Variants in PARN observed in about 807,000 individuals in gnomAD.
PARN encodes poly(A)-specific ribonuclease.
A neutral mutation model predicts 102.8 loss-of-function variants in PARN; 71 were observed. The observed-to-expected ratio is 0.69, with a 90% CI of 0.57 to 0.84. The LOEUF (loss-of-function observed/expected upper bound fraction) is 0.84, where lower values mean the gene tolerates loss of function less well. Ranked by LOEUF, PARN falls within the 40% of genes least tolerant of loss-of-function variation. The pLI is 0.00. For synonymous variants in PARN, 261 were observed against 252.9 expected (o/e 1.03, Z -0.30); for missense variants, 782 against 760.9 (o/e 1.03, Z -0.33).
chr16:14,623,975 A>G (rs1181480375), intron 5 of PARN, among the ~76,000 whole-genome samples: 1 of 152,196 alleles, frequency 6.6e-6, no homozygotes, highest in Non-Finnish European at 1.5e-5. Flanking sequence ...AGAGGAAGAA[A>G]AGAAAAAGGA....
intron 21 of PARN, among the ~76,000 whole-genome samples, chr16:14,547,843 A>G (rs1244342531): frequency 6.6e-6 from 1 of 152,252 alleles, no homozygotes; most frequent in African/African-American, 2.4e-5. Flanking sequence ...CAAAGAAGCC[A>G]TTATAAGCTG....
At chr16:14,515,673 T>C (rs1410663834) in intron 21 of PARN, among the ~76,000 whole-genome samples, 2 of 152,154 alleles carry the variant, frequency 1.3e-5, no homozygotes, top group East Asian at 3.8e-4. Flanking sequence ...TGGTGGCTTG[T>C]ACCCATAATC....
intron 16 of PARN, 116 bp from the exon 17 acceptor site, chr16:14,582,407 G>C (rs1286519660): frequency 8.6e-6 from 6 of 699,680 alleles, no homozygotes; most frequent in Non-Finnish European, 1.3e-5. Flanking sequence ...GCAGAAAAAA[G>C]CTATCTATTC....
At chr16:14,450,875 T>G (rs1300382476) in intron 22 of PARN, among the ~76,000 whole-genome samples, 2 of 151,944 alleles carry the variant, frequency 1.3e-5, no homozygotes, top group Admixed American at 1.3e-4. Context: ...GCCCTCTAAT[T>G]TATTAGGGGG....
In PARN at chr16:14,579,175, C is replaced by A. The variant is rs1270703733; in HGVS notation, c.1262+1699G>T. Among the ~76,000 whole-genome samples, 4 of 152,258 alleles carry A rather than the reference C, an allele frequency of 2.6e-5. No individual in the cohort carries two copies. The East Asian group carries it at 7.7e-4, about 29-fold the overall frequency. On this transcript the variant is annotated intron_variant, in intron 18 of 23. Coordinates refer to ENST00000437198, the MANE Select transcript of PARN (RefSeq NM_002582.4). ...TACAGACCGGTTTTCACCATGCTGG[C>A]CAGGCTGGTCTCGAACTCCTGACCT...
rs143865542 is a variant in PARN at position 14,525,881 on chromosome 16, C to A, written c.1480+26140G>T. On this transcript the variant is annotated intron_variant, in intron 21 of 23. Coordinates refer to ENST00000437198, the MANE Select transcript of PARN (RefSeq NM_002582.4). ...GCCCAAACTGTAGTGTACAGTGGTGCGATCCTGGCTCACTGCAACCTCCAC... is the reference window on the plus strand; with the variant it reads ...GCCCAAACTGTAGTGTACAGTGGTGAGATCCTGGCTCACTGCAACCTCCAC... Among the ~76,000 whole-genome samples the A allele has an allele frequency of 3.8e-3, 584 of 152,228 alleles. 5 individuals carry two copies. Among genetic ancestry groups the A allele is most frequent in the African/African-American group, 0.013 (551 of 41,522 alleles).
At chr16:14,577,610 A>G (rs1203411919) in intron 18 of PARN, among the ~76,000 whole-genome samples, 1 of 152,188 alleles carries the variant, frequency 6.6e-6, no homozygotes, top group Non-Finnish European at 1.5e-5. Context: ...GTGGGATTAC[A>G]GGCATGAGCC....
intron 18 of PARN, among the ~76,000 whole-genome samples, chr16:14,577,088 A>T (rs1290629836): frequency 6.6e-6 from 1 of 152,366 alleles, no homozygotes; most frequent in East Asian, 1.9e-4. Context: ...AGAGCAAAAT[A>T]AAATATTGTT....
At chr16:14,517,478 G>A (rs1298336176) in intron 21 of PARN, among the ~76,000 whole-genome samples, 2 of 152,160 alleles carry the variant, frequency 1.3e-5, no homozygotes, top group African/African-American at 4.8e-5. Flanking sequence ...AACTGCCTAG[G>A]CAACCTATGG....
At chr16:14,575,856 G>A (rs1415072948) in intron 18 of PARN, among the ~76,000 whole-genome samples, 1 of 152,186 alleles carries the variant, frequency 6.6e-6, no homozygotes, top group East Asian at 1.9e-4. Flanking sequence ...ACATATCGTA[G>A]GAGGAACCCG....
chr16:14,571,078 C>T (rs551834210), intron 18 of PARN, among the ~76,000 whole-genome samples: 103 of 151,964 alleles, frequency 6.8e-4, no homozygotes, highest in African/African-American at 2.2e-3. Context: ...TTCTTTACTT[C>T]CTTTTCCCAA....
chr16:14,475,675 A>G (rs1396657520), intron 22 of PARN, among the ~76,000 whole-genome samples: 1 of 152,238 alleles, frequency 6.6e-6, no homozygotes, highest in Admixed American at 6.5e-5. Context: ...CAGCTCTGCC[A>G]AGGGCTCAGA....
intron 22 of PARN, among the ~76,000 whole-genome samples, chr16:14,475,711 T>TGA (rs2151589302): frequency 6.6e-6 from 1 of 152,338 alleles, no homozygotes; most frequent in Admixed American, 6.5e-5. Context: ...CAAATAGAAG[T>TGA]GAGTCACAGA....
chr16:14,599,664 T>C (rs920889917), intron 12 of PARN, among the ~76,000 whole-genome samples: 1 of 152,168 alleles, frequency 6.6e-6, no homozygotes, highest in Non-Finnish European at 1.5e-5. Context: ...GACAACATAG[T>C]GTAACCCTCC....
chr16:14,471,346 TATATG>T (rs1962726282), intron 22 of PARN, among the ~76,000 whole-genome samples: 2 of 152,192 alleles, frequency 1.3e-5, no homozygotes, highest in Non-Finnish European at 2.9e-5. Context: ...TAACTCATAT[TATATG>T]ATAATTCACT....
At chr16:14,544,779 C>T (rs994150623) in intron 21 of PARN, among the ~76,000 whole-genome samples, 2 of 152,124 alleles carry the variant, frequency 1.3e-5, no homozygotes, top group Admixed American at 6.6e-5. Context: ...CCACAAAATA[C>T]ATGACATGAA....
chr16:14,510,879 A>C (rs1487541548), intron 21 of PARN, among the ~76,000 whole-genome samples: 4 of 152,244 alleles, frequency 2.6e-5, no homozygotes, highest in Non-Finnish European at 5.9e-5. Flanking sequence ...CAAAGGAAGA[A>C]AAGACATCTA....
At chr16:14,620,481 G>C (rs898799472) in intron 5 of PARN, among the ~76,000 whole-genome samples, 8 of 152,190 alleles carry the variant, frequency 5.3e-5, no homozygotes, top group Non-Finnish European at 8.8e-5. Context: ...TAAGAAATAA[G>C]CATTACTGTA....
chr16:14,578,433 T>A (rs1186697843), intron 18 of PARN: 1 of 149,826 alleles, frequency 6.7e-6, no homozygotes, highest in Non-Finnish European at 1.5e-5. Flanking sequence ...GGCGGGTGGA[T>A]CACCTGAGGT....
Sources: gnomAD v4.1 joint callset for allele counts (sites outside exome capture counted in the v4.1 genomes callset) on GRCh38, gnomAD v4.1.1 for gene constraint, MANE v1.5 for transcripts, NCBI Gene and HGNC (gene_info 2026-07-23, HGNC 2026-07-21) for gene names.